Variants in FAM135B observed in about 807,000 individuals in gnomAD.
FAM135B encodes family with sequence similarity 135 member B, also known as protein FAM135B.
Under a neutral mutation model 127.7 loss-of-function variants are expected in FAM135B, and 43 were observed. That is an observed-to-expected ratio of 0.34 (90% CI 0.26 to 0.43). The LOEUF (loss-of-function observed/expected upper bound fraction) is 0.43. Ranked by LOEUF, FAM135B falls within the 20% of genes least tolerant of loss-of-function variation. The pLI is 1.00. For synonymous variants in FAM135B, 670 were observed against 665.1 expected (o/e 1.01, Z -0.11); for missense variants, 1,558 against 1,725.6 (o/e 0.90, Z 1.72).
intron 2 of FAM135B, among the ~76,000 whole-genome samples, chr8:138,338,810 T>C (rs568171594): frequency 7.9e-5 from 12 of 152,212 alleles, no homozygotes; most frequent in East Asian, 1.9e-4. Context: ...CACATGCACA[T>C]CTATGTTTAT....
At chr8:138,135,724 A>T (rs192313620) in intron 19 of FAM135B, among the ~76,000 whole-genome samples, 42 of 152,312 alleles carry the variant, frequency 2.8e-4, no homozygotes, top group Middle Eastern at 3.4e-3. Flanking sequence ...TTACACATGC[A>T]AAGTCTTTCA....
intron 1 of FAM135B, among the ~76,000 whole-genome samples, chr8:138,488,293 G>C (rs1012065249): frequency 3.3e-5 from 5 of 151,100 alleles, no homozygotes; most frequent in African/African-American, 1.2e-4. Context: ...CTATTCTAAG[G>C]GTTTTGTGCA....
At chr8:138,249,366 A>C (rs1374233569) in intron 6 of FAM135B, among the ~76,000 whole-genome samples, 1 of 152,140 alleles carries the variant, frequency 6.6e-6, no homozygotes, top group African/African-American at 2.4e-5. Flanking sequence ...AAACTCTACC[A>C]CAACGGCATT....
intron 1 of FAM135B, among the ~76,000 whole-genome samples, chr8:138,453,657 GAA>G (rs1836617415): frequency 6.6e-6 from 1 of 152,170 alleles, no homozygotes; most frequent in Non-Finnish European, 1.5e-5. Context: ...TCACTCCATA[GAA>G]CCAGCAGGGT....
chr8:138,381,338 C>T (rs955265699), intron 1 of FAM135B, among the ~76,000 whole-genome samples: 15 of 152,156 alleles, frequency 9.9e-5, no homozygotes, highest in African/African-American at 3.6e-4. Flanking sequence ...CCACCTTGCA[C>T]CTCTCTACCT....
At chr8:138,410,608 G>A (rs571096284) in intron 1 of FAM135B, among the ~76,000 whole-genome samples, 68 of 152,198 alleles carry the variant, frequency 4.5e-4, no homozygotes, top group Non-Finnish European at 1.3e-4. Flanking sequence ...CAGTCAGAAT[G>A]GCTATTATTA....
At chr8:138,363,721 G>A (rs938464952) in intron 2 of FAM135B, among the ~76,000 whole-genome samples, 1 of 152,136 alleles carries the variant, frequency 6.6e-6, no homozygotes, top group African/African-American at 2.4e-5. Context: ...TCCCTGATCA[G>A]GACAAATTAT....
intron 7 of FAM135B, among the ~76,000 whole-genome samples, chr8:138,222,996 T>C (rs73715451): frequency 0.018 from 2,680 of 152,276 alleles, 74 homozygotes; most frequent in African/African-American, 0.058. Flanking sequence ...CTCCTCCAAC[T>C]GTGAACTGGG....
intron 1 of FAM135B, among the ~76,000 whole-genome samples, chr8:138,384,742 T>C (rs1209848593): frequency 6.6e-6 from 1 of 152,056 alleles, no homozygotes; most frequent in Non-Finnish European, 1.5e-5. Flanking sequence ...AAAGCCCTGA[T>C]GTTTTTAGCT....
At chr8:138,198,646 T>A (rs771738923) in intron 7 of FAM135B, among the ~76,000 whole-genome samples, 1 of 152,196 alleles carries the variant, frequency 6.6e-6, no homozygotes, top group Non-Finnish European at 1.5e-5. Context: ...TACATTATAT[T>A]TTGTTTGTAG....
At chr8:138,470,515 A>G (rs13270209) in intron 1 of FAM135B, among the ~76,000 whole-genome samples, 66,030 of 151,984 alleles carry the variant, frequency 0.43, 16,267 homozygotes, top group East Asian at 0.76. Flanking sequence ...TTGTTTTTTA[A>G]CTTGTGATGT....
At chr8:138,344,798 A>G (rs1221357213) in intron 2 of FAM135B, among the ~76,000 whole-genome samples, 13 of 151,936 alleles carry the variant, frequency 8.6e-5, no homozygotes, top group Admixed American at 7.9e-4. Flanking sequence ...GATGGTCTCG[A>G]TCTCCTGACC....
chr8:138,209,139 T>G lies in FAM135B; in HGVS notation c.670-11470A>C, dbSNP rs552113299. Among the ~76,000 whole-genome samples the G allele has an allele frequency of 2.6e-5, 4 of 152,296 alleles. No individual in the cohort carries two copies. In the South Asian group the frequency reaches 8.3e-4, roughly 32 times the overall value. On this transcript the variant is annotated intron_variant, in intron 7 of 19. Coordinates refer to ENST00000395297, the MANE Select transcript of FAM135B (RefSeq NM_015912.4). ...TGCTGGGTTTTTTTGGTGGTTCCTG[T>G]GTGCCCATCACTGCGGTGAACACTT...
At chr8:138,219,169 G>GA (rs1316518233) in intron 7 of FAM135B, among the ~76,000 whole-genome samples, 1 of 152,148 alleles carries the variant, frequency 6.6e-6, no homozygotes, top group Admixed American at 6.6e-5. Context: ...TTCAATATTT[G>GA]AAAAGTGATT....
intron 1 of FAM135B, among the ~76,000 whole-genome samples, chr8:138,426,692 T>C (rs1454172836): frequency 6.6e-6 from 1 of 151,882 alleles, no homozygotes; most frequent in East Asian, 1.9e-4. Flanking sequence ...GAGAATAAAA[T>C]ACTATTCTAT....
At chr8:138,367,259 AATC>A in intron 2 of FAM135B, 2 of 374,224 alleles carry the variant, frequency 5.3e-6, no homozygotes, top group South Asian at 4.0e-5. Context: ...AAGTAGTAGC[AATC>A]ATCATGAAGA....
intron 1 of FAM135B, among the ~76,000 whole-genome samples, chr8:138,430,557 G>A (rs950567806): frequency 6.6e-6 from 1 of 152,134 alleles, no homozygotes; most frequent in Non-Finnish European, 1.5e-5. Flanking sequence ...GCCTCCAAGA[G>A]GATACATTCC....
intron 1 of FAM135B, chr8:138,439,531 C>CA (rs942320653): frequency 6.6e-6 from 1 of 152,078 alleles, no homozygotes; most frequent in Non-Finnish European, 1.5e-5. Flanking sequence ...GGGGAGGGAA[C>CA]ATGTCATGTT....
chr8:138,383,203 C>G (rs574999962), intron 1 of FAM135B, among the ~76,000 whole-genome samples: 42 of 152,288 alleles, frequency 2.8e-4, no homozygotes, highest in African/African-American at 9.1e-4. Context: ...GCTCTGATGT[C>G]CAGGGGTACC....
Sources: allele counts gnomAD v4.1 joint callset (sites outside exome capture counted in the v4.1 genomes callset), GRCh38; gene constraint gnomAD v4.1.1; transcripts MANE v1.5; gene names NCBI Gene and HGNC (gene_info 2026-07-23, HGNC 2026-07-21).